Variants in KCNQ3 observed in about 807,000 individuals in gnomAD.
The protein encoded by KCNQ3 is potassium voltage-gated channel subfamily KQT member 3.
KCNQ3 carries 30 observed loss-of-function variants against 92.5 expected under a neutral mutation model. The observed-to-expected ratio is 0.32, with a 90% CI of 0.24 to 0.44. The LOEUF is 0.44. KCNQ3 is among the 20% of genes least tolerant of loss of function. KCNQ3 has a pLI of 1.00. For synonymous variants in KCNQ3, 450 were observed against 468.8 expected, an observed-to-expected ratio of 0.96 and a Z score of 0.52; for missense variants, 913 against 1,140.3, an observed-to-expected ratio of 0.80 and a Z score of 2.87.
At chr8:132,217,420 C>T (rs1459322092) in intron 1 of KCNQ3, among the ~76,000 whole-genome samples, 2 of 152,136 alleles carry the variant, frequency 1.3e-5, no homozygotes, top group Admixed American at 6.5e-5. Context: ...ATATAAAACA[C>T]TGAGAGTCGG....
chr8:132,392,479 C>T (rs1449921454), intron 1 of KCNQ3, among the ~76,000 whole-genome samples: 2 of 152,170 alleles, frequency 1.3e-5, no homozygotes, highest in African/African-American at 4.8e-5. Flanking sequence ...TTGCACTGGT[C>T]CTTACCTAGA....
At chr8:132,280,579 C>T (rs964168) in intron 1 of KCNQ3, among the ~76,000 whole-genome samples, 67,018 of 151,946 alleles carry the variant, frequency 0.44, 16,651 homozygotes, top group East Asian at 0.69. Flanking sequence ...GCCCCACCTC[C>T]AACAATGAGA....
rs1391097567 is a variant in KCNQ3, at chr8:132,129,537, T to G, written c.2344A>C (p.Ile782Leu). Residue 782 changes from isoleucine (I) to leucine (L), a missense_variant, in exon 15 of 15, where the codon ATC (isoleucine) becomes CTC (leucine). Around this residue, in one of 6 missense-constraint regions of KCNQ3, gnomAD observed 375 missense variants for 376.4 expected, o/e 1.00. Coordinates refer to ENST00000388996, the MANE Select transcript of KCNQ3 (RefSeq NM_004519.4). The surrounding 1 kb of genome is among the most constrained non-coding windows in gnomAD (Gnocchi z 5.9). Reference protein sequence around the residue: ...DRISPRQRRSITRDSDTPLSL... With the variant: ...DRISPRQRRSLTRDSDTPLSL... The stretch of plus-strand genomic sequence containing the variant: ...AGAGGTGTGTCACTGTCTCGCGTGA[T>G]GCTACGTCTCTGCCGGGGGGAGATT... 1.2e-6 allele frequency: 2 copies of G among 1,614,080 alleles called. No homozygotes were observed. The highest frequency in any genetic ancestry group is 3.3e-5 in the Admixed American group (2 of 60,008).
chr8:132,163,215 A>G (rs1014476537), intron 9 of KCNQ3, among the ~76,000 whole-genome samples: 1 of 152,186 alleles, frequency 6.6e-6, no homozygotes, highest in African/African-American at 2.4e-5. Flanking sequence ...ACCAAATGAG[A>G]TAACATATGC....
chr8:132,419,151 A>C (rs903193694), intron 1 of KCNQ3, among the ~76,000 whole-genome samples: 4 of 152,216 alleles, frequency 2.6e-5, no homozygotes, highest in African/African-American at 9.6e-5. Context: ...TCGGGAACTA[A>C]GGCATGGCAG....
chr8:132,451,656 C>T (rs1037111011), intron 1 of KCNQ3, among the ~76,000 whole-genome samples: 6 of 152,216 alleles, frequency 3.9e-5, no homozygotes, highest in African/African-American at 1.2e-4. Context: ...GGAAGAAAGG[C>T]GTCTATTCAC....
chr8:132,154,514 C>G (rs1825747486), intron 9 of KCNQ3, among the ~76,000 whole-genome samples: 1 of 152,088 alleles, frequency 6.6e-6, no homozygotes, highest in Non-Finnish European at 1.5e-5. Flanking sequence ...TCATCCTTAT[C>G]CTTATCCTTA....
intron 1 of KCNQ3, among the ~76,000 whole-genome samples, chr8:132,329,295 C>T (rs2130656470): frequency 6.6e-6 from 1 of 152,290 alleles, no homozygotes; most frequent in East Asian, 1.9e-4. Flanking sequence ...CCCCACTCAC[C>T]TCCTCCACCA....
intron 1 of KCNQ3, among the ~76,000 whole-genome samples, chr8:132,357,007 TAACAACAACAACAAC>T (rs111426424): frequency 1.3e-5 from 2 of 150,450 alleles, no homozygotes; most frequent in South Asian, 2.1e-4. Context: ...ACTATTTTAT[TAACAACAACAACAAC>T]AACAACAACA....
intron 1 of KCNQ3, among the ~76,000 whole-genome samples, chr8:132,456,201 C>T (rs1315047717): frequency 6.6e-6 from 1 of 152,184 alleles, no homozygotes; most frequent in Non-Finnish European, 1.5e-5. Flanking sequence ...GAAACACAAG[C>T]CACATTTTCA....
chr8:132,221,225 A>T (rs1426241811), intron 1 of KCNQ3, among the ~76,000 whole-genome samples: 2 of 152,228 alleles, frequency 1.3e-5, no homozygotes, highest in East Asian at 3.8e-4. Flanking sequence ...ATTGATGGAC[A>T]TATAGGTTGG....
intron 1 of KCNQ3, among the ~76,000 whole-genome samples, chr8:132,217,083 G>A (rs927781521): frequency 9.9e-5 from 15 of 152,020 alleles, no homozygotes; most frequent in African/African-American, 3.1e-4. Flanking sequence ...TTTTGCATCT[G>A]TATCTTGGAA....
chr8:132,478,837 A>G (rs1365144460), intron 1 of KCNQ3, among the ~76,000 whole-genome samples: 3 of 152,126 alleles, frequency 2.0e-5, no homozygotes, highest in African/African-American at 7.2e-5. Flanking sequence ...CCGAACCTAG[A>G]AAAACGTCTC....
chr8:132,160,979 C>A (rs1022769526), intron 9 of KCNQ3, among the ~76,000 whole-genome samples: 4 of 151,980 alleles, frequency 2.6e-5, no homozygotes, highest in African/African-American at 4.8e-5. Flanking sequence ...GCTGCCTTCA[C>A]TTTCATGAGA....
intron 12 of KCNQ3, among the ~76,000 whole-genome samples, chr8:132,136,117 T>C (rs1423901093): frequency 1.2e-4 from 3 of 26,052 alleles, no homozygotes; most frequent in African/African-American, 3.4e-4. Context: ...AGACTCCATC[T>C]CAAAAAAAAA....
At chr8:132,275,296 C>A (rs1312784571) in intron 1 of KCNQ3, among the ~76,000 whole-genome samples, 6 of 152,076 alleles carry the variant, frequency 3.9e-5, no homozygotes, top group Admixed American at 3.9e-4. Flanking sequence ...AGTTACAACA[C>A]ATTATAAATG....
chr8:132,134,437 T>C, intron 12 of KCNQ3, 49 bp from the exon 13 acceptor site: 1 of 1,310,292 alleles, frequency 7.6e-7, no homozygotes, highest in East Asian at 2.3e-5. Flanking sequence ...AGCTTTGTTT[T>C]GACAGGAAAA....
At chr8:132,377,759 T>G (rs1199046104) in intron 1 of KCNQ3, among the ~76,000 whole-genome samples, 1 of 152,194 alleles carries the variant, frequency 6.6e-6, no homozygotes, top group Non-Finnish European at 1.5e-5. Flanking sequence ...CAGAGTAATA[T>G]CGGGTCAATA....
intron 3 of KCNQ3, among the ~76,000 whole-genome samples, chr8:132,182,983 G>A (rs1826840010): frequency 6.6e-6 from 1 of 151,906 alleles, no homozygotes; most frequent in Non-Finnish European, 1.5e-5. Context: ...CTTAGCATCA[G>A]GTGGGAATAG....
Sources: allele counts gnomAD v4.1 joint callset (sites outside exome capture counted in the v4.1 genomes callset), GRCh38; gene constraint gnomAD v4.1.1; regional missense constraint gnomAD v4.1.1; non-coding constraint Gnocchi (gnomAD v3.1); transcripts MANE v1.5; gene names NCBI Gene and HGNC (gene_info 2026-07-23, HGNC 2026-07-21).